BCOR: variants seen among roughly 807,000 people sequenced by gnomAD.
BCOR encodes the protein BCL6 corepressor, also known as BCL-6 corepressor.
In BCOR, 10 loss-of-function variants were observed where a neutral mutation model predicts 86.7. The ratio of observed to expected loss-of-function variants is 0.12; its 90% confidence interval spans 0.07 to 0.20. The LOEUF (loss-of-function observed/expected upper bound fraction) is 0.20. Ranked by LOEUF, BCOR falls within the 10% of genes least tolerant of loss-of-function variation. The pLI, the probability that BCOR is intolerant of heterozygous loss-of-function variation, is 1.00. For missense variants in BCOR, 1,259 were observed against 1,452.1 expected (o/e 0.87, Z 2.16); for synonymous variants, 611 against 609.0 (o/e 1.00, Z -0.05).
At position 40,057,217 on chromosome X, in the gene BCOR, G is replaced by A. The variant is rs368796810; in HGVS notation, c.4533C>T (p.Asn1511=). ...CATATTCAAGGAGGTGTCGCACAAT[G>A]TTGAGCCAGCCCCTAGCACAAGCTT... ...LHEACARGWL[N]IVRHLLEYGA... is the part of the protein sequence containing the mutation. Residue 1511 remains asparagine (N), a synonymous_variant, in exon 11 of 15, where the codon AAC becomes AAT. Transcript: ENST00000378444. 8 of 1,210,684 alleles carry A rather than the reference G, an allele frequency of 6.6e-6. No individual in the cohort carries two copies. In the African/African-American group the frequency reaches 1.2e-4, roughly 18 times the overall value.
At position 40,064,557 on chromosome X, in the gene BCOR, G is replaced by T; in HGVS notation, c.3281C>A (p.Ala1094Asp). The change falls in exon 7 of 15, where the codon GCC (alanine) becomes GAC (aspartate). Residue 1094 changes from alanine (A) to aspartate (D), a missense_variant. Around this residue, in one of 7 missense-constraint regions of BCOR, gnomAD observed 305 missense variants for 286.1 expected, o/e 1.07. Transcript: ENST00000378444. ...VGNKHRDPFE[A>D]PEDKDLPVEK... ...CACAGGAAGATCTTTGTCCTCTGGG[G>T]CTTCAAAGGGATCACGGTGCTTGTT... 8.3e-7 allele frequency: 1 copy of T among 1,211,874 alleles called. No homozygotes were observed. Among genetic ancestry groups the T allele is most frequent in the South Asian group, 1.8e-5 (1 of 56,994 alleles).
At chrX:40,149,488 G>A (rs1245981122) in intron 1 of BCOR, among the ~76,000 whole-genome samples, 1 of 111,057 alleles carries the variant, frequency 9.0e-6, no homozygotes, top group Non-Finnish European at 1.9e-5. Flanking sequence ...AGGAGTAGTG[G>A]ATGCATCTCA....
chrX:40,174,963 TTGTC>T (rs1938710553), intron 1 of BCOR, among the ~76,000 whole-genome samples: 1 of 113,223 alleles, frequency 8.8e-6, no homozygotes, highest in Admixed American at 9.3e-5. Flanking sequence ...CTGACCACAT[TTGTC>T]TGGTCCCTCT....
chrX:40,067,785 C>T (rs761055443), intron 6 of BCOR, among the ~76,000 whole-genome samples: 4 of 111,686 alleles, frequency 3.6e-5, no homozygotes, highest in African/African-American at 1.3e-4. Context: ...CCTTGACTGC[C>T]GAAGATACGT....
At chrX:40,053,785 T>TCACTCACC (rs1934445805) in intron 14 of BCOR, 101 bp downstream of exon 14, 1 of 960,206 alleles carries the variant, frequency 1.0e-6, no homozygotes, top group African/African-American at 1.9e-5. Flanking sequence ...GTTAAGGAGG[T>TCACTCACC]CACTCACCCA....
intron 1 of BCOR, among the ~76,000 whole-genome samples, chrX:40,086,136 A>G (rs1455773892): frequency 9.4e-6 from 1 of 105,890 alleles, no homozygotes; most frequent in Admixed American, 1.0e-4. Context: ...CCCCCAAAAT[A>G]CACCCCCCTT....
chrX:40,161,174 A>ATTTTTGTT (rs1329312061), intron 1 of BCOR, among the ~76,000 whole-genome samples: 1 of 102,869 alleles, frequency 9.7e-6, no homozygotes, highest in Non-Finnish European at 2.0e-5. Flanking sequence ...TGCCCGGCTA[A>ATTTTTGTT]TTTTTGTTTT....
intron 1 of BCOR, among the ~76,000 whole-genome samples, chrX:40,107,228 G>A (rs1937207215): frequency 8.9e-6 from 1 of 111,988 alleles, no homozygotes; most frequent in Non-Finnish European, 1.9e-5. Context: ...CGGATTTAGG[G>A]GGAAAGGGTC....
intron 1 of BCOR, among the ~76,000 whole-genome samples, chrX:40,086,016 C>T (rs749725969): frequency 3.6e-5 from 4 of 112,165 alleles, no homozygotes; most frequent in South Asian, 3.7e-4. Flanking sequence ...GGCTTCAGGA[C>T]GGCACCTTTG....
At position 40,148,049 on chromosome X, in the gene BCOR, A is replaced by G. The variant is rs766205602; in HGVS notation, c.-41+28958T>C. On this transcript the variant is annotated intron_variant, in intron 1 of 14. Transcript: ENST00000342274. ...TCAGAGAGCTGGTGCCTCCACTCTC[A>G]GGGCCTCGGGCAACTTTTTATCTGA... is the stretch of plus-strand genomic sequence containing the variant. 8.0e-5 allele frequency among the ~76,000 whole-genome samples: 9 copies of G among 112,317 alleles called. No individual in the cohort carries two copies. In the South Asian group the frequency reaches 1.5e-3, roughly 18 times the overall value.
chrX:40,073,359 G>T lies in BCOR; in HGVS notation c.1987C>A (p.Pro663Thr), dbSNP rs375875417. 3.3e-6 allele frequency: 4 copies of T among 1,211,051 alleles called. No homozygotes were observed. The highest frequency in any genetic ancestry group is 4.5e-6 in the Non-Finnish European group (4 of 895,289). ...AGGGGACTTACAGCAATGCCCTCAG[G>T]GGCTGGGTAAGGGAGGTAACTCCTG... ...YPRSYLPYPA[P>T]EGIAVSPLSL... The change falls in exon 4 of 15, where the codon CCT becomes ACT. Residue 663 changes from proline (P) to threonine (T), a missense_variant. Physicochemically the swap from Pro to Thr is conservative, Grantham distance 38. Around this residue, in one of 7 missense-constraint regions of BCOR, gnomAD observed 534 missense variants for 594.8 expected, o/e 0.90. Transcript: ENST00000378444.
chrX:40,137,566 AATAAAATAAAATAAAAT>A (rs1330709680), intron 1 of BCOR, among the ~76,000 whole-genome samples: 1 of 109,469 alleles, frequency 9.1e-6, no homozygotes, highest in Admixed American at 9.9e-5. Flanking sequence ...AATAAAATAA[AATAAAATAAAATAAAAT>A]ATAAAATAAA....
rs185952034 is a variant in BCOR at position 40,072,906 on chromosome X, C to T, written c.2440G>A (p.Asp814Asn). The change falls in exon 4 of 15, where the codon GAT becomes AAT. Residue 814 changes from aspartate to asparagine, a missense_variant. By Grantham distance (23) the Asp-to-Asn change is conservative (BLOSUM62 1). Transcript: ENST00000378444. ...VYVDLLREEP[D>N]AKTDTNVSKP... ...GACACGTTTGTGTCAGTTTTAGCATCTGGTTCTTCTCGGAGAAGGTCTACG... is the reference window on the plus strand; with the variant it reads ...GACACGTTTGTGTCAGTTTTAGCATTTGGTTCTTCTCGGAGAAGGTCTACG... The T allele has an allele frequency of 8.3e-7, 1 of 1,209,723 alleles. No individual in the cohort carries two copies. The highest frequency in any genetic ancestry group is 1.1e-6 in the Non-Finnish European group (1 of 895,152).
At chrX:40,062,715 G>A in intron 9 of BCOR, 31 bp downstream of exon 9, 2 of 1,169,967 alleles carry the variant, frequency 1.7e-6, no homozygotes, top group Non-Finnish European at 2.3e-6. Flanking sequence ...GTTCGCACAG[G>A]CCCCAGAGGG....
At position 40,097,883 on chromosome X, in the gene BCOR, G is replaced by A. The variant is rs1193209083; in HGVS notation, c.-709C>T. Among the ~76,000 whole-genome samples the A allele has an allele frequency of 9.2e-6, 1 of 108,937 alleles. No homozygotes were observed. The highest frequency in any genetic ancestry group is 1.9e-5 in the Non-Finnish European group (1 of 52,030). 94.6% of individuals were successfully genotyped at this position (108,937 alleles called of 115,157 possible). On this transcript the variant is annotated 5_prime_UTR_variant, in exon 1 of 15. Transcript: ENST00000378444. ...TGGGCTCCTGCGCGTCTCCCCCGCA[G>A]CCGCCGAGCTCGGCCCGCGTTCAGC... is the stretch of plus-strand genomic sequence containing the variant.
chrX:40,072,997 C>G lies in BCOR; in HGVS notation c.2349G>C (p.Lys783Asn), dbSNP rs1166281565. ...TCCAGTTGGGGTTCGGCTTTAGGTTCTTGTCGGTGGGGACATCTGGATGTA... is the reference window on the plus strand; with the variant it reads ...TCCAGTTGGGGTTCGGCTTTAGGTTGTTGTCGGTGGGGACATCTGGATGTA... ...TKLHPDVPTD[K>N]NLKPNPNWNQ... The change falls in exon 4 of 15, where the codon AAG becomes AAC. Residue 783 changes from lysine (K) to asparagine (N), a missense_variant. Coordinates refer to ENST00000378444, the MANE Select transcript of BCOR (RefSeq NM_001123385.2). The G allele has an allele frequency of 1.7e-6, 2 of 1,210,593 alleles. No homozygotes were observed. The highest frequency in any genetic ancestry group is 3.5e-5 in the African/African-American group (2 of 57,305).
intron 1 of BCOR, among the ~76,000 whole-genome samples, chrX:40,121,394 G>C (rs1937484087): frequency 8.9e-6 from 1 of 112,494 alleles, no homozygotes; most frequent in South Asian, 3.7e-4. Context: ...TAGTGGCTCA[G>C]CCTCACCCTC....
chrX:40,098,657 C>T (rs950916792), upstream of BCOR, among the ~76,000 whole-genome samples: 2 of 112,133 alleles, frequency 1.8e-5, no homozygotes, highest in Non-Finnish European at 3.8e-5. Flanking sequence ...GGCCTCGTCC[C>T]CTCCGAGACC....
At chrX:40,123,795 T>TTGTG (rs59910543) in intron 1 of BCOR, among the ~76,000 whole-genome samples, 13,548 of 103,875 alleles carry the variant, frequency 0.13, 1,144 homozygotes, top group African/African-American at 0.29. Flanking sequence ...GGTTTCCTGG[T>TTGTG]TGTGTGTGTG....
Sources: allele counts gnomAD v4.1 joint callset (sites outside exome capture counted in the v4.1 genomes callset), GRCh38; gene constraint gnomAD v4.1.1; regional missense constraint gnomAD v4.1.1; transcripts MANE v1.5; gene names NCBI Gene and HGNC (gene_info 2026-07-23, HGNC 2026-07-21).